Variants in STX12 observed in about 807,000 individuals in gnomAD.
The protein encoded by STX12 is syntaxin 12, also known as syntaxin-12.
A neutral mutation model predicts 42.2 loss-of-function variants in STX12; 17 were observed. The observed-to-expected ratio is 0.40, with a 90% CI of 0.28 to 0.60. STX12 has a LOEUF of 0.60. Among genes scored for constraint, STX12 ranks in the 20% least tolerant of loss-of-function variants. The pLI is 0.39. For missense variants in STX12, 297 were observed against 330.9 expected (o/e 0.90, Z 0.79); for synonymous variants, 108 against 116.7 (o/e 0.93, Z 0.48).
At chr1:27,818,045 G>A in intron 7 of STX12, 122 bp downstream of exon 7, 2 of 711,888 alleles carry the variant, frequency 2.8e-6, no homozygotes, top group Non-Finnish European at 4.8e-6. Context: ...GCCAACCTGG[G>A]CAACATAATG....
chr1:27,813,932 A>G (rs950257566), intron 6 of STX12, among the ~76,000 whole-genome samples: 15 of 151,638 alleles, frequency 9.9e-5, no homozygotes, highest in African/African-American at 3.4e-4. Flanking sequence ...TCAGAGTCTT[A>G]CTCTGTCACC....
chr1:27,816,237 C>T (rs762871381), intron 6 of STX12, among the ~76,000 whole-genome samples: 6 of 151,876 alleles, frequency 4.0e-5, no homozygotes, highest in Admixed American at 6.6e-5. Context: ...TTGCTTGAAC[C>T]CAGGAGGCGG....
chr1:27,773,908 G>C (rs1571512847), intron 1 of STX12: 1 of 161,730 alleles, frequency 6.2e-6, no homozygotes, highest in Non-Finnish European at 1.4e-5. Context: ...TTCAATTAAG[G>C]GAAGTGGAGA....
At chr1:27,822,000 G>A (rs958357608) in intron 8 of STX12, among the ~76,000 whole-genome samples, 3 of 151,890 alleles carry the variant, frequency 2.0e-5, no homozygotes, top group Admixed American at 6.6e-5. Context: ...CCTGGGTGAC[G>A]GAGTGAGACT....
chr1:27,819,697 G>A lies in STX12; in HGVS notation c.697G>A (p.Ala233Thr). The change falls in exon 8 of 9, where the codon GCC (alanine) becomes ACC (threonine). Residue 233 changes from alanine (A) to threonine (T), a missense_variant. Physicochemically the swap from Ala to Thr is moderately conservative, Grantham distance 58 (BLOSUM62 0). Transcript: ENST00000373943. The stretch of plus-strand genomic sequence containing the variant: ...AAGCTCAGAGGTGCACGTCGAAAGA[G>A]CCACTGAACAGTTACAGCGAGCTGC... ...VESSEVHVER[A>T]TEQLQRAAYY... The A allele has an allele frequency of 1.2e-6, 2 of 1,613,970 alleles. No homozygotes were observed. Among genetic ancestry groups the A allele is most frequent in the Non-Finnish European group, 1.7e-6 (2 of 1,179,882 alleles).
chr1:27,809,032 T>G (rs530360339), intron 4 of STX12, among the ~76,000 whole-genome samples: 2 of 152,304 alleles, frequency 1.3e-5, no homozygotes, highest in South Asian at 2.1e-4. Context: ...TGAAGCAGCC[T>G]TCTTGAAAAT....
intron 2 of STX12, 21 bp downstream of exon 2, chr1:27,789,652 G>T (rs200940766): frequency 6.2e-7 from 1 of 1,605,628 alleles, no homozygotes; most frequent in Admixed American, 1.7e-5. Context: ...TCCTGACAAG[G>T]TTGGGTTTTG....
chr1:27,801,903 T>G lies in STX12; in HGVS notation c.426+88T>G. ...TTTTTTTCTTTTTCTCTTTGACCAA[T>G]AAACATGTAAGTTAGCTGCTGTGAA... On this transcript the variant is annotated intron_variant, in intron 4 of 8. Coordinates refer to ENST00000373943, the MANE Select transcript of STX12 (RefSeq NM_177424.3). The G allele has an allele frequency of 3.4e-6, 5 of 1,489,468 alleles. No individual in the cohort carries two copies. In the Admixed American group the frequency reaches 1.3e-4, roughly 38 times the overall value. 92.3% of individuals were successfully genotyped at this position (1,489,468 alleles called of 1,614,324 possible).
chr1:27,817,131 G>A (rs1230506781), intron 6 of STX12, among the ~76,000 whole-genome samples: 1 of 151,866 alleles, frequency 6.6e-6, no homozygotes, highest in Non-Finnish European at 1.5e-5. Context: ...GAGGGAGGGA[G>A]AAAGACCCAA....
intron 1 of STX12, among the ~76,000 whole-genome samples, chr1:27,788,406 A>T (rs1221267632): frequency 1.3e-5 from 2 of 152,164 alleles, no homozygotes; most frequent in Admixed American, 6.5e-5. Context: ...CTGGCGTTAG[A>T]GTGTTCCTCC....
chr1:27,795,003 A>C (rs1250425811), intron 3 of STX12, among the ~76,000 whole-genome samples: 1 of 152,190 alleles, frequency 6.6e-6, no homozygotes, highest in Non-Finnish European at 1.5e-5. Context: ...GATTATAGAC[A>C]TGAGCCACTG....
At chr1:27,814,907 G>A (rs1278325998) in intron 6 of STX12, among the ~76,000 whole-genome samples, 2 of 150,382 alleles carry the variant, frequency 1.3e-5, no homozygotes, top group African/African-American at 4.9e-5. Context: ...TCAAGCAACC[G>A]TGGAGTGAAA....
intron 3 of STX12, among the ~76,000 whole-genome samples, 159 bp downstream of exon 3, chr1:27,793,791 G>C (rs1225996215): frequency 6.6e-6 from 1 of 152,098 alleles, no homozygotes; most frequent in African/African-American, 2.4e-5. Context: ...ATATGTGACT[G>C]TTGGGGCAAT....
intron 3 of STX12, among the ~76,000 whole-genome samples, chr1:27,800,230 AC>A (rs1350498766): frequency 1.3e-5 from 2 of 152,058 alleles, no homozygotes; most frequent in Non-Finnish European, 2.9e-5. Flanking sequence ...GATTTGCCTT[AC>A]CCCTTCTTTC....
At chr1:27,801,937 G>T (rs1168177108) in intron 4 of STX12, 122 bp downstream of exon 4, 1 of 1,256,886 alleles carries the variant, frequency 8.0e-7, no homozygotes, top group African/African-American at 1.6e-5. Flanking sequence ...AAAATGGCAG[G>T]TTGGTGTAAC....
chr1:27,773,569 C>T, intron 1 of STX12, 144 bp downstream of exon 1: 1 of 692,544 alleles, frequency 1.4e-6, no homozygotes, highest in South Asian at 1.9e-5. Context: ...GGGCGGTGGG[C>T]TGCCATCCCC....
At chr1:27,790,242 G>C (rs1341430794) in intron 2 of STX12, among the ~76,000 whole-genome samples, 1 of 152,156 alleles carries the variant, frequency 6.6e-6, no homozygotes, top group Admixed American at 6.5e-5. Flanking sequence ...GTGGACCTTC[G>C]TGGTGAGTGT....
chr1:27,799,791 T>G (rs1219698602), intron 3 of STX12, among the ~76,000 whole-genome samples: 2 of 152,032 alleles, frequency 1.3e-5, no homozygotes, highest in Non-Finnish European at 2.9e-5. Flanking sequence ...TCACATGTGT[T>G]GCCCAGGCTG....
intron 1 of STX12, among the ~76,000 whole-genome samples, chr1:27,776,678 CTG>C (rs1042775936): frequency 6.6e-5 from 10 of 152,196 alleles, no homozygotes; most frequent in Non-Finnish European, 1.5e-4. Context: ...GATTATGCCA[CTG>C]TACTGCAGCC....
Sources: allele counts gnomAD v4.1 joint callset (sites outside exome capture counted in the v4.1 genomes callset), GRCh38; gene constraint gnomAD v4.1.1; transcripts MANE v1.5; gene names NCBI Gene and HGNC (gene_info 2026-07-23, HGNC 2026-07-21).